The following RNMT variants were observed in gnomAD, a reference collection of about 807,000 sequenced individuals.
RNMT encodes RNA guanine-7 methyltransferase.
A neutral mutation model predicts 56.0 loss-of-function variants in RNMT; 27 were observed. That is an observed-to-expected ratio of 0.48 (90% CI 0.36 to 0.67). RNMT has a LOEUF of 0.67. Ranked by LOEUF, RNMT falls within the 30% of genes least tolerant of loss-of-function variation. The pLI is 0.00. For missense variants in RNMT, 519 were observed against 552.1 expected (o/e 0.94, Z 0.60); for synonymous variants, 184 against 176.2 (o/e 1.04, Z -0.35).
Position 13,731,564 on chromosome 18 carries a change from A to C in RNMT, c.47A>C (p.Glu16Ala). 6.2e-7 allele frequency: 1 copy of C among 1,610,106 alleles called. No individual in the cohort carries two copies. The highest frequency in any genetic ancestry group is 8.5e-7 in the Non-Finnish European group (1 of 1,179,056). The change falls in exon 3 of 12, where the codon GAA (glutamate) becomes GCA (alanine). Residue 16 changes from glutamate to alanine, a missense_variant. Glu to Ala is a moderately radical substitution (Grantham distance 107). Coordinates refer to ENST00000383314, the MANE Select transcript of RNMT (RefSeq NM_003799.3). Reference sequence around the variant, plus strand: ...GAAGAATATGAAAAGATGTCTCTTGAACAGGCAAAAGCGTCAGTGAATTCT... The same window carrying C: ...GAAGAATATGAAAAGATGTCTCTTGCACAGGCAAAAGCGTCAGTGAATTCT... ...KAEEYEKMSL[E>A]QAKASVNSET...
intron 9 of RNMT, among the ~76,000 whole-genome samples, chr18:13,747,561 A>T (rs981440341): frequency 1.3e-5 from 2 of 152,180 alleles, no homozygotes; most frequent in Non-Finnish European, 1.5e-5. Flanking sequence ...GGCTCAGAGG[A>T]TAATGACTTG....
intron 9 of RNMT, among the ~76,000 whole-genome samples, chr18:13,747,999 T>C (rs2044380396): frequency 6.6e-6 from 1 of 152,220 alleles, no homozygotes; most frequent in Non-Finnish European, 1.5e-5. Context: ...GTGTAATGTA[T>C]GTCAAAATCT....
rs2044621505 is a variant in RNMT at position 13,761,655 on chromosome 18, C to T, written c.*1676C>T. On this transcript the variant is annotated 3_prime_UTR_variant, in exon 12 of 12. Transcript: ENST00000383314. ...AACAGAAAGGTAGAGTTACTAAGGC[C>T]TTCAGTGAACAGAAAGGAGCAGAGA... is the stretch of plus-strand genomic sequence containing the variant. The T allele has an allele frequency of 9.9e-7, 1 of 1,015,224 alleles. No individual in the cohort carries two copies. Among genetic ancestry groups the T allele is most frequent in the Non-Finnish European group, 1.2e-6 (1 of 848,208 alleles). The allele number at this position is 1,015,224 out of a possible 1,614,324, so 62.9% of individuals were successfully genotyped here.
At chr18:13,753,819 A>T (rs1376341017) in intron 10 of RNMT, among the ~76,000 whole-genome samples, 1 of 90,776 alleles carries the variant, frequency 1.1e-5, no homozygotes, top group African/African-American at 4.5e-5. Context: ...TTCCAGTTAC[A>T]CACACACACA....
intron 3 of RNMT, among the ~76,000 whole-genome samples, chr18:13,733,494 C>T (rs1174037199): frequency 6.6e-6 from 1 of 152,164 alleles, no homozygotes; most frequent in Non-Finnish European, 1.5e-5. Flanking sequence ...TCTCCTGCCT[C>T]AGCCTCCTGA....
intron 9 of RNMT, among the ~76,000 whole-genome samples, chr18:13,746,815 C>G (rs1447876196): frequency 6.6e-6 from 1 of 152,208 alleles, no homozygotes; most frequent in Non-Finnish European, 1.5e-5. Flanking sequence ...TTGGTTACGA[C>G]AGTAATTTAG....
Position 13,762,121 on chromosome 18 carries a change from G to A in RNMT, c.*2142G>A, listed in dbSNP as rs2044628313. On this transcript the variant is annotated 3_prime_UTR_variant, in exon 12 of 12. Transcript: ENST00000383314. Reference sequence around the variant, plus strand: ...CACCTGTTGCTGCAAGCTCAGTGAAGTGGGGCACTCCCAGACCTGCCATGC... The same window carrying A: ...CACCTGTTGCTGCAAGCTCAGTGAAATGGGGCACTCCCAGACCTGCCATGC... 1.3e-6 allele frequency: 2 copies of A among 1,535,880 alleles called. No homozygotes were observed. The highest frequency in any genetic ancestry group is 1.4e-5 in the African/African-American group (1 of 73,056).
chr18:13,739,348 A>T (rs1360927672), intron 5 of RNMT, among the ~76,000 whole-genome samples: 1 of 152,232 alleles, frequency 6.6e-6, no homozygotes, highest in Non-Finnish European at 1.5e-5. Context: ...GGTATTCTTA[A>T]ATGAAACTGT....
chr18:13,739,380 A>G (rs1303351067), intron 5 of RNMT, among the ~76,000 whole-genome samples: 2 of 152,232 alleles, frequency 1.3e-5, no homozygotes, highest in South Asian at 2.1e-4. Flanking sequence ...TGCATATTGT[A>G]TAGTGGTGAA....
Position 13,762,037 on chromosome 18 carries a change from A to G in RNMT, c.*2058A>G, listed in dbSNP as rs1283183115. 4 of 1,535,960 alleles carry G rather than the reference A, an allele frequency of 2.6e-6. No homozygotes were observed. The Admixed American group carries it at 5.9e-5, about 23-fold the overall frequency. ...CGTCTAAATGTTCGGTATTCTATTC[A>G]GGACTTACGGTAACTATTATGAGGG... On this transcript the variant is annotated 3_prime_UTR_variant, in exon 12 of 12. Transcript: ENST00000383314.
chr18:13,749,131 A>G (rs2044399331), intron 9 of RNMT, among the ~76,000 whole-genome samples: 1 of 152,190 alleles, frequency 6.6e-6, no homozygotes, highest in Non-Finnish European at 1.5e-5. Flanking sequence ...CTTTATAATC[A>G]TGTATTGGTT....
In RNMT at chr18:13,742,374, A is replaced by G; in HGVS notation, c.975-114A>G. 4.3e-6 allele frequency: 4 copies of G among 936,260 alleles called. No individual in the cohort carries two copies. The South Asian group carries it at 6.2e-5, about 14-fold the overall frequency. 58.0% of individuals were successfully genotyped at this position (936,260 alleles called of 1,614,324 possible). A position where few individuals can be genotyped will look rare whatever the true frequency, so the allele number is the denominator to read the frequency against. On this transcript the variant is annotated intron_variant, in intron 7 of 11. Coordinates refer to ENST00000383314, the MANE Select transcript of RNMT (RefSeq NM_003799.3). ...AAAAAGGTAGCCCAGATATAATTAA[A>G]AGGCTAATCAAGTGTGCATCATGTA...
chr18:13,731,400 C>T (rs933331130), intron 2 of RNMT, 76 bp from the exon 3 acceptor site: 7 of 684,320 alleles, frequency 1.0e-5, no homozygotes, highest in Non-Finnish European at 1.4e-5. Context: ...AAGAGTGAAA[C>T]TCCGTCTCAA....
At chr18:13,735,996 G>A (rs1386877237) in intron 4 of RNMT, among the ~76,000 whole-genome samples, 1 of 152,116 alleles carries the variant, frequency 6.6e-6, no homozygotes, top group Non-Finnish European at 1.5e-5. Flanking sequence ...AAACAGTTGA[G>A]TATAGTTCTT....
rs964525378 is a variant in RNMT, at chr18:13,762,010, G to T, written c.*2031G>T. 3 of 1,535,980 alleles carry T rather than the reference G, an allele frequency of 2.0e-6. No individual in the cohort carries two copies. The highest frequency in any genetic ancestry group is 1.4e-5 in the African/African-American group (1 of 73,168). ...GTAGGACTCTTCCTTGACACACCTT[G>T]TCGTCTAAATGTTCGGTATTCTATT... On this transcript the variant is annotated 3_prime_UTR_variant, in exon 12 of 12. Coordinates refer to ENST00000383314, the MANE Select transcript of RNMT (RefSeq NM_003799.3).
intron 8 of RNMT, among the ~76,000 whole-genome samples, chr18:13,744,156 C>CTTTTTTTTTTTTTTTTTTTTTTTT (rs1555794897): frequency 7.7e-5 from 2 of 25,978 alleles, no homozygotes; most frequent in Admixed American, 4.1e-4. Flanking sequence ...ACCTAGCGGT[C>CTTTTTTTTTTTTTTTTTTTTTTTT]TTCTTTTTTT....
chr18:13,732,811 A>G (rs1031849685), intron 3 of RNMT, among the ~76,000 whole-genome samples: 5 of 143,862 alleles, frequency 3.5e-5, no homozygotes, highest in Non-Finnish European at 6.0e-5. Flanking sequence ...AGTGGTGTAA[A>G]CTCGGCTCAC....
chr18:13,751,242 C>G (rs532874941), intron 9 of RNMT, among the ~76,000 whole-genome samples: 6 of 152,178 alleles, frequency 3.9e-5, no homozygotes, highest in Non-Finnish European at 7.4e-5. Context: ...GGCTAATATC[C>G]ATAATCTACA....
chr18:13,728,359 G>A (rs1483258207), intron 1 of RNMT, among the ~76,000 whole-genome samples: 5 of 120,084 alleles, frequency 4.2e-5, no homozygotes, highest in Admixed American at 1.0e-4. Flanking sequence ...TGTGTGTGAC[G>A]GAGCCTTGCT....
Sources: allele counts gnomAD v4.1 joint callset (sites outside exome capture counted in the v4.1 genomes callset), GRCh38; gene constraint gnomAD v4.1.1; transcripts MANE v1.5; gene names NCBI Gene and HGNC (gene_info 2026-07-23, HGNC 2026-07-21).